Variants in PLA2R1 observed in about 807,000 individuals in gnomAD.
The protein encoded by PLA2R1 is secretory phospholipase A2 receptor.
Under a neutral mutation model 195.9 loss-of-function variants are expected in PLA2R1, and 158 were observed. That is an observed-to-expected ratio of 0.81 (90% confidence interval 0.71 to 0.92). PLA2R1 has a LOEUF of 0.92. Among genes scored for constraint, PLA2R1 ranks in the 40% least tolerant of loss-of-function variants. The pLI, the probability that PLA2R1 is intolerant of heterozygous loss-of-function variation, is 0.00. For synonymous variants in PLA2R1, 586 were observed against 598.2 expected, an observed-to-expected ratio of 0.98 and a Z score of 0.30; for missense variants, 1,626 against 1,764.6, an observed-to-expected ratio of 0.92 and a Z score of 1.41.
chr2:160,022,770 T>C lies in PLA2R1; in HGVS notation c.1189A>G (p.Lys397Glu), dbSNP rs1489149404. The change falls in exon 7 of 30, where the codon AAG (lysine) becomes GAG (glutamate). Residue 397 changes from lysine to glutamate, a missense_variant. Transcript: ENST00000283243. ...RNCYKLQKEEKTWHEALRSCQ... is the reference protein window; with the variant it reads ...RNCYKLQKEEETWHEALRSCQ... Reference sequence around the variant, plus strand: ...GAACGCAGAGCCTCATGCCAGGTCTTTTCTTCTTTCTGAAGTTTGTAGCAA... The same window carrying C: ...GAACGCAGAGCCTCATGCCAGGTCTCTTCTTCTTTCTGAAGTTTGTAGCAA... 3 of 1,613,754 alleles carry C rather than the reference T, an allele frequency of 1.9e-6. No individual in the cohort carries two copies. Among genetic ancestry groups the C allele is most frequent in the Non-Finnish European group, 1.7e-6 (2 of 1,179,598 alleles).
intron 4 of PLA2R1, among the ~76,000 whole-genome samples, chr2:160,030,422 G>A (rs1693783679): frequency 6.6e-6 from 1 of 152,156 alleles, no homozygotes; most frequent in African/African-American, 2.4e-5. Context: ...GACAGGGCAG[G>A]GAGAAATTTT....
Position 160,022,849 on chromosome 2 carries a change from C to T in PLA2R1, c.1110G>A (p.Ala370=), listed in dbSNP as rs140155678. 1.3e-3 allele frequency: 1,991 copies of T among 1,588,862 alleles called. 12 individuals are homozygous for T. In the Middle Eastern group the frequency reaches 0.04, roughly 32 times the overall value. The change falls in exon 7 of 30, where the codon GCG becomes GCA. Residue 370 remains alanine (A), a synonymous_variant. Transcript: ENST00000283243. ...CACAGTGGGTAGCATAATATTTCCA[C>T]GCATCTTTTTCTTTTTAAACCAACA... The part of the protein sequence containing the change: ...HIDHEIVEKD[A]WKYYATHCEP...
intron 13 of PLA2R1, among the ~76,000 whole-genome samples, chr2:159,982,567 A>G (rs1158526709): frequency 6.6e-6 from 1 of 152,250 alleles, no homozygotes. Flanking sequence ...TTTTGCAAAC[A>G]TATTTGACCA....
rs1461783293 is a variant in PLA2R1 at position 159,940,203 on chromosome 2, C to G, written c.*1575G>C. 1.3e-5 allele frequency: 2 copies of G among 152,222 alleles called. No homozygotes were observed. The highest frequency in any genetic ancestry group is 2.9e-5 in the Non-Finnish European group (2 of 68,030). 9.4% of individuals were successfully genotyped at this position (152,222 alleles called of 1,614,324 possible). The stretch of plus-strand genomic sequence containing the variant: ...AGTTGGTTGTAATAATTAAAATGCA[C>G]ACTCTCAGGGAGGCCCTGAGAGTCC... On this transcript the variant is annotated 3_prime_UTR_variant, in exon 30 of 30. Coordinates refer to ENST00000283243, the MANE Select transcript of PLA2R1 (RefSeq NM_007366.5).
At chr2:159,954,935 A>T (rs1687986285) in intron 23 of PLA2R1, among the ~76,000 whole-genome samples, 1 of 152,236 alleles carries the variant, frequency 6.6e-6, no homozygotes, top group South Asian at 2.1e-4. Context: ...TGAAGCAGTA[A>T]AGCCATTTAA....
intron 1 of PLA2R1, among the ~76,000 whole-genome samples, chr2:160,058,829 AG>A (rs772238464): frequency 2.6e-5 from 4 of 152,088 alleles, no homozygotes; most frequent in Non-Finnish European, 5.9e-5. Flanking sequence ...AATTTTCCAC[AG>A]GCCAATGGGG....
chr2:160,051,011 G>C (rs2105662885), intron 1 of PLA2R1, among the ~76,000 whole-genome samples: 1 of 152,312 alleles, frequency 6.6e-6, no homozygotes, highest in East Asian at 1.9e-4. Context: ...AAGTGTTAAA[G>C]TGAGTAAGAT....
intron 8 of PLA2R1, among the ~76,000 whole-genome samples, chr2:160,019,812 T>A (rs1048195900): frequency 2.3e-5 from 3 of 131,500 alleles, no homozygotes; most frequent in African/African-American, 3.3e-5. Flanking sequence ...TCTCTGAGAG[T>A]TTTTTTTTAA....
At chr2:159,987,491 C>T (rs1004973518) in intron 11 of PLA2R1, 133 bp from the exon 12 acceptor site, 2 of 639,480 alleles carry the variant, frequency 3.1e-6, no homozygotes, top group African/African-American at 1.8e-5. Context: ...AAGATGAAAA[C>T]GAATGTCTTA....
intron 8 of PLA2R1, 23 bp downstream of exon 8, chr2:160,020,083 A>G (rs1442463175): frequency 1.3e-6 from 2 of 1,595,702 alleles, no homozygotes; most frequent in Non-Finnish European, 1.7e-6. Context: ...CAAAGTGAGC[A>G]CTGAACAAAT....
chr2:159,983,804 T>G, intron 13 of PLA2R1, 124 bp downstream of exon 13: 3 of 534,984 alleles, frequency 5.6e-6, no homozygotes, highest in Middle Eastern at 1.0e-3. Context: ...TTTATTTTTC[T>G]TGGCTTTGGG....
chr2:159,984,997 C>T (rs979581434), intron 12 of PLA2R1, among the ~76,000 whole-genome samples: 3 of 152,138 alleles, frequency 2.0e-5, no homozygotes, highest in African/African-American at 4.8e-5. Flanking sequence ...AACCTCTTCC[C>T]GAATCACTAT....
intron 28 of PLA2R1, among the ~76,000 whole-genome samples, chr2:159,943,745 A>G (rs1029481524): frequency 9.2e-5 from 14 of 151,906 alleles, no homozygotes; most frequent in Non-Finnish European, 2.1e-4. Context: ...TTTGTTCTTG[A>G]TATTTAAAAG....
rs1450673270 is a variant in PLA2R1 at position 159,951,571 on chromosome 2, A to G, written c.3309T>C (p.Ser1103=). ...GFVCEKMQDT[S]GHGVNTSDMY... ...TATCAGATGTATTTACACCGTGTCCAGAAGTATCTAGAACAAGAACAGCAA... is the reference window on the plus strand; with the variant it reads ...TATCAGATGTATTTACACCGTGTCCGGAAGTATCTAGAACAAGAACAGCAA... Residue 1103 remains serine, a synonymous_variant, in exon 24 of 30, where the codon TCT becomes TCC. Transcript: ENST00000283243. 2.7e-6 allele frequency: 4 copies of G among 1,483,264 alleles called. No homozygotes were observed. Among genetic ancestry groups the G allele is most frequent in the Non-Finnish European group, 3.8e-6 (4 of 1,058,456 alleles). The allele number at this position is 1,483,264 out of a possible 1,614,324, so 91.9% of individuals were successfully genotyped here. A position where few individuals can be genotyped will look rare whatever the true frequency, so the allele number is the denominator to read the frequency against.
intron 27 of PLA2R1, chr2:159,946,153 G>C (rs1687376398): frequency 1.3e-6 from 1 of 758,842 alleles, no homozygotes; most frequent in Admixed American, 6.3e-5. Context: ...TAACAATACA[G>C]CTAACTAAAA....
chr2:159,976,035 C>T (rs1689528749), intron 17 of PLA2R1, 33 bp downstream of exon 17: 2 of 1,544,328 alleles, frequency 1.3e-6, no homozygotes, highest in Non-Finnish European at 1.8e-6. Flanking sequence ...GTGCTAAACT[C>T]TGAATTTTTC....
At chr2:159,986,568 G>A (rs1304085795) in intron 12 of PLA2R1, among the ~76,000 whole-genome samples, 2 of 151,384 alleles carry the variant, frequency 1.3e-5, no homozygotes, top group African/African-American at 2.4e-5. Flanking sequence ...TAATATTAGC[G>A]CATGCTATTT....
At chr2:159,945,136 C>G (rs1687302513) in intron 27 of PLA2R1, 54 bp from the exon 28 acceptor site, 2 of 1,155,716 alleles carry the variant, frequency 1.7e-6, no homozygotes, top group East Asian at 2.9e-5. Context: ...ATCAAACATA[C>G]TAAGACTGGA....
At chr2:160,005,094 T>C (rs1232241505) in intron 11 of PLA2R1, among the ~76,000 whole-genome samples, 1 of 152,118 alleles carries the variant, frequency 6.6e-6, no homozygotes, top group African/African-American at 2.4e-5. Context: ...ATAAAGGCAG[T>C]GGTGGTCCTG....
Sources: allele counts gnomAD v4.1 joint callset (sites outside exome capture counted in the v4.1 genomes callset), GRCh38; gene constraint gnomAD v4.1.1; transcripts MANE v1.5; gene names NCBI Gene and HGNC (gene_info 2026-07-23, HGNC 2026-07-21).